Variants in KCTD1 observed in about 807,000 individuals in gnomAD.
KCTD1 encodes the protein potassium channel tetramerization domain containing 1.
KCTD1 carries 24 observed loss-of-function variants against 66.0 expected under a neutral mutation model. That is an observed-to-expected ratio of 0.36 (90% CI 0.26 to 0.51). KCTD1 has a LOEUF of 0.51. Among genes scored for constraint, KCTD1 ranks in the 20% least tolerant of loss-of-function variants. The probability of loss-of-function intolerance (pLI) is 0.95; values close to 1 mark genes in which losing one functional copy is unlikely to be tolerated. For missense variants in KCTD1, 943 were observed against 1,205.2 expected (o/e 0.78, Z 3.22); for synonymous variants, 511 against 517.2 (o/e 0.99, Z 0.16).
upstream of KCTD1, chr18:26,549,931 G>T (rs1345466589): frequency 1.5e-5 from 6 of 396,252 alleles, no homozygotes; most frequent in East Asian, 4.9e-4. Flanking sequence ...GCCGCCTCCC[G>T]CTCTCCCGGC....
At chr18:26,483,716 G>A (rs1296281696) in intron 2 of KCTD1, among the ~76,000 whole-genome samples, 2 of 152,178 alleles carry the variant, frequency 1.3e-5, no homozygotes, top group Non-Finnish European at 2.9e-5. Context: ...GCTGGGTGAA[G>A]GTGTGTAAGT....
At chr18:26,458,321 C>T (rs947450585) in intron 4 of KCTD1, 1 of 152,178 alleles carries the variant, frequency 6.6e-6, no homozygotes, top group African/African-American at 2.4e-5. Flanking sequence ...GAACAATCCT[C>T]AAGAGGCAGC....
chr18:26,469,804 T>C (rs1231824010), intron 3 of KCTD1, among the ~76,000 whole-genome samples: 1 of 152,158 alleles, frequency 6.6e-6, no homozygotes. Context: ...AAGCATTGAT[T>C]ATGTGCCCAA....
chr18:26,471,954 G>A lies in KCTD1; in HGVS notation c.2133+4561C>T, dbSNP rs149449407. Among the ~76,000 whole-genome samples, 434 of 152,242 alleles carry A rather than the reference G, an allele frequency of 2.9e-3. 2 individuals are homozygous for A. The highest frequency in any genetic ancestry group is 4.9e-3 in the Non-Finnish European group (334 of 68,024). On this transcript the variant is annotated intron_variant, in intron 3 of 4. Transcript: ENST00000580059. ...AGGGTAGTGGATTGATTCGCGATGC[G>A]TCCAGGAGGTTAAGATGACGGATGC... is the stretch of plus-strand genomic sequence containing the variant.
intron 1 of KCTD1, among the ~76,000 whole-genome samples, chr18:26,528,834 C>A (rs1328866418): frequency 1.3e-5 from 2 of 152,216 alleles, no homozygotes; most frequent in Admixed American, 1.3e-4. Context: ...CTCCTCCTCC[C>A]CGGCCACTTG....
chr18:26,576,464 G>C (rs1294486897), intron 1 of KCTD1, among the ~76,000 whole-genome samples: 1 of 152,074 alleles, frequency 6.6e-6, no homozygotes, highest in African/African-American at 2.4e-5. Flanking sequence ...ATGTACTGTT[G>C]CCAGTCTCTT....
At chr18:26,562,156 A>T (rs115223357) in intron 1 of KCTD1, among the ~76,000 whole-genome samples, 3,357 of 152,082 alleles carry the variant, frequency 0.022, 139 homozygotes, top group African/African-American at 0.077. Context: ...CATAACTGAA[A>T]CCTGGACAAT....
At chr18:26,484,929 T>C (rs188479848) in intron 2 of KCTD1, among the ~76,000 whole-genome samples, 272 of 152,238 alleles carry the variant, frequency 1.8e-3, no homozygotes, top group Non-Finnish European at 2.4e-3. Context: ...ATGGGTGACG[T>C]ACAGACACAG....
intron 1 of KCTD1, chr18:26,566,598 T>G (rs765325447): frequency 1.1e-4 from 17 of 152,114 alleles, no homozygotes; most frequent in Non-Finnish European, 1.8e-4. Context: ...ACAAATCCAT[T>G]TGGGAAGGCT....
intron 1 of KCTD1, among the ~76,000 whole-genome samples, chr18:26,656,601 C>T (rs1435910329): frequency 2.0e-5 from 3 of 147,744 alleles, no homozygotes; most frequent in Non-Finnish European, 4.5e-5. Context: ...TGGTCCGGCC[C>T]GGGCAAAAGG....
Position 26,496,001 on chromosome 18 carries a change from G to A in KCTD1, c.1988+5071C>T, listed in dbSNP as rs115591790. 7.7e-3 allele frequency among the ~76,000 whole-genome samples: 1,165 copies of A among 152,108 alleles called. 8 individuals are homozygous for A. Among genetic ancestry groups the A allele is most frequent in the African/African-American group, 0.026 (1,087 of 41,528 alleles). ...TTTTCTTTTAAAGCAGAAATTGAAC[G>A]TATTTTCATTATGCATGTGGCTAAG... On this transcript the variant is annotated intron_variant, in intron 2 of 4. Transcript: ENST00000580059.
intron 2 of KCTD1, among the ~76,000 whole-genome samples, chr18:26,481,344 GAGA>G (rs1981637500): frequency 6.6e-6 from 1 of 152,202 alleles, no homozygotes. Flanking sequence ...AGACCTGAAG[GAGA>G]AGAAGTTGGC....
At chr18:26,579,490 C>T (rs1386638753) in intron 1 of KCTD1, among the ~76,000 whole-genome samples, 2 of 152,024 alleles carry the variant, frequency 1.3e-5, no homozygotes, top group Non-Finnish European at 2.9e-5. Flanking sequence ...GTGAGTTCCA[C>T]CTGATTTAGA....
chr18:26,636,022 C>T (rs1028198934), intron 1 of KCTD1, among the ~76,000 whole-genome samples: 1 of 152,018 alleles, frequency 6.6e-6, no homozygotes, highest in Non-Finnish European at 1.5e-5. Context: ...GGGGTTGGGG[C>T]TTGTGCTGGG....
At chr18:26,542,658 A>G (rs777437347) in intron 1 of KCTD1, among the ~76,000 whole-genome samples, 1 of 152,184 alleles carries the variant, frequency 6.6e-6, no homozygotes, top group Non-Finnish European at 1.5e-5. Flanking sequence ...TCCTGCTTGA[A>G]AACTACTTAG....
upstream of KCTD1, chr18:26,549,690 G>A: frequency 4.1e-6 from 4 of 982,312 alleles, no homozygotes; most frequent in Non-Finnish European, 4.8e-6. Flanking sequence ...CCCTGCCGCA[G>A]CCACAATTCG....
intron 1 of KCTD1, among the ~76,000 whole-genome samples, chr18:26,554,929 T>C (rs574632647): frequency 6.6e-6 from 1 of 152,344 alleles, no homozygotes; most frequent in South Asian, 2.1e-4. Flanking sequence ...CAAAGTTAAA[T>C]GAAACCTAAA....
chr18:26,615,170 C>T (rs1055858530), intron 1 of KCTD1, among the ~76,000 whole-genome samples: 1 of 152,186 alleles, frequency 6.6e-6, no homozygotes, highest in South Asian at 2.1e-4. Context: ...TTGTAAATAA[C>T]TGCCCCCCAT....
chr18:26,472,248 G>A (rs1364460172), intron 3 of KCTD1, among the ~76,000 whole-genome samples: 2 of 152,126 alleles, frequency 1.3e-5, no homozygotes, highest in Non-Finnish European at 2.9e-5. Flanking sequence ...ACCTAAACAT[G>A]AGGTGATTTT....
Sources: gnomAD v4.1 joint callset for allele counts (sites outside exome capture counted in the v4.1 genomes callset) on GRCh38, gnomAD v4.1.1 for gene constraint, MANE v1.5 for transcripts, NCBI Gene and HGNC (gene_info 2026-07-23, HGNC 2026-07-21) for gene names.